Variants in RHOBTB2 observed in about 807,000 individuals in gnomAD.
The protein encoded by RHOBTB2 is Rho related BTB domain containing 2, also known as rho-related BTB domain-containing protein 2.
RHOBTB2 carries 39 observed loss-of-function variants against 66.5 expected under a neutral mutation model. That is an observed-to-expected ratio of 0.59 (90% CI 0.45 to 0.77). The LOEUF (loss-of-function observed/expected upper bound fraction) is 0.77. RHOBTB2 is among the 30% of genes least tolerant of loss of function. The probability of loss-of-function intolerance (pLI) is 0.00; values close to 1 mark genes in which losing one functional copy is unlikely to be tolerated. For synonymous variants in RHOBTB2, 390 were observed against 395.0 expected, an observed-to-expected ratio of 0.99 and a Z score of 0.15; for missense variants, 755 against 999.1, an observed-to-expected ratio of 0.76 and a Z score of 3.29.
upstream of RHOBTB2, chr8:22,999,433 TG>T: frequency 2.2e-6 from 1 of 459,918 alleles, no homozygotes; most frequent in Non-Finnish European, 2.9e-6. Context: ...GCGCGGGCGG[TG>T]GGCGGGAGCG....
chr8:23,018,350 AC>A lies in RHOBTB2; in HGVS notation c.*882del, dbSNP rs1428908198. The A allele has an allele frequency of 1.3e-5, 2 of 152,766 alleles. No homozygotes were observed. Among genetic ancestry groups the A allele is most frequent in the African/African-American group, 2.4e-5 (1 of 41,468 alleles). 9.5% of individuals were successfully genotyped at this position (152,766 alleles called of 1,614,324 possible). A position where few individuals can be genotyped will look rare whatever the true frequency, so the allele number is the denominator to read the frequency against. On this transcript the variant is annotated 3_prime_UTR_variant, in exon 10 of 10. Transcript: ENST00000251822. The stretch of plus-strand genomic sequence containing the variant: ...TAGGGTGGGGCAAAATTAGCAAAAA[AC>A]AAAAACCAATGACAACCAAACTGAA...
At chr8:23,013,583 C>T (rs1300744228) in intron 7 of RHOBTB2, among the ~76,000 whole-genome samples, 1 of 151,804 alleles carries the variant, frequency 6.6e-6, no homozygotes, top group Non-Finnish European at 1.5e-5. Flanking sequence ...GAAACTTTCA[C>T]CTCCCAGGTT....
At position 23,002,758 on chromosome 8, in the gene RHOBTB2, G is replaced by A. The variant is rs923028844; in HGVS notation, c.-10-1667G>A. On this transcript the variant is annotated intron_variant, in intron 1 of 9. Coordinates refer to ENST00000251822, the MANE Select transcript of RHOBTB2 (RefSeq NM_015178.3). ...GTTAGGAGAGAGAAGGGGTGGTACA[G>A]TTGCCCTGGAGACCATGAGGGCACT... Among the ~76,000 whole-genome samples the A allele has an allele frequency of 3.3e-4, 51 of 152,302 alleles. 1 individual carries two copies. Among genetic ancestry groups the A allele is most frequent in the African/African-American group, 1.1e-3 (46 of 41,564 alleles).
chr8:22,950,952 T>G, the RHOBTB2 span, among the ~76,000 whole-genome samples: 5 of 152,188 alleles, frequency 3.3e-5, no homozygotes, highest in Non-Finnish European at 7.4e-5. Context: ...GCTGCAAGTT[T>G]CTAGCTTACT....
At chr8:22,985,886 C>G (rs1810278266), upstream of RHOBTB2, among the ~76,000 whole-genome samples, 1 of 152,196 alleles carries the variant, frequency 6.6e-6, no homozygotes, top group African/African-American at 2.4e-5. Context: ...CTGGCCTACC[C>G]ACCAGTGCAC....
At position 23,006,137 on chromosome 8, in the gene RHOBTB2, C is replaced by G. The variant is rs1810943306; in HGVS notation, c.474C>G (p.Pro158=). ...AGGCTGTCAACAGGGCTAGGCGACCCTTGGCTAGGTAGGAGGTGCTGGTAC... is the reference window on the plus strand; with the variant it reads ...AGGCTGTCAACAGGGCTAGGCGACCGTTGGCTAGGTAGGAGGTGCTGGTAC... ...DLEAVNRARR[P]LARPIKPNEI... is the part of the protein sequence containing the mutation. The change falls in exon 4 of 10, where the codon CCC becomes CCG. Residue 158 remains proline, a synonymous_variant. Coordinates refer to ENST00000251822, the MANE Select transcript of RHOBTB2 (RefSeq NM_015178.3). This position sits in a 1 kb window ranked among gnomAD's most constrained non-coding sequence, Gnocchi z 6.1. The G allele has an allele frequency of 1.2e-6, 2 of 1,612,154 alleles. No homozygotes were observed. The highest frequency in any genetic ancestry group is 2.2e-5 in the South Asian group (2 of 91,042).
the RHOBTB2 span, among the ~76,000 whole-genome samples, chr8:22,972,326 C>T: frequency 6.6e-6 from 1 of 152,314 alleles, no homozygotes; most frequent in South Asian, 2.1e-4. Flanking sequence ...TATACCAATG[C>T]AGTCATCACA....
Position 23,019,661 on chromosome 8 carries a change from G to C in RHOBTB2, c.*2192G>C, listed in dbSNP as rs1318518132. ...AAGCGCTGAGCAACCTGGGTACCCT[G>C]GTGGGGATGCAGGGAAGGCCGGGGC... On this transcript the variant is annotated 3_prime_UTR_variant, in exon 10 of 10. Coordinates refer to ENST00000251822, the MANE Select transcript of RHOBTB2 (RefSeq NM_015178.3). 6.5e-6 allele frequency: 1 copy of C among 153,340 alleles called. No homozygotes were observed. Among genetic ancestry groups the C allele is most frequent in the Non-Finnish European group, 1.5e-5 (1 of 68,912 alleles). The allele number at this position is 153,340 out of a possible 1,614,324, so 9.5% of individuals were successfully genotyped here.
At position 22,999,621 on chromosome 8, in the gene RHOBTB2, T is replaced by A; in HGVS notation, c.-495T>A. On this transcript the variant is annotated 5_prime_UTR_variant, in exon 1 of 10. Coordinates refer to ENST00000251822, the MANE Select transcript of RHOBTB2 (RefSeq NM_015178.3). ...TTTTTACCCTCCCGTTTTTTTCTTTTCTTTTTTTTTTCCCTATCCTTTTTT... is the reference window on the plus strand; with the variant it reads ...TTTTTACCCTCCCGTTTTTTTCTTTACTTTTTTTTTTCCCTATCCTTTTTT... The A allele has an allele frequency of 8.1e-7, 1 of 1,239,816 alleles. No homozygotes were observed. The highest frequency in any genetic ancestry group is 1.3e-5 in the South Asian group (1 of 75,218). 76.8% of individuals were successfully genotyped at this position (1,239,816 alleles called of 1,614,324 possible).
At chr8:22,997,396 C>G (rs1810602516), upstream of RHOBTB2, among the ~76,000 whole-genome samples, 1 of 152,190 alleles carries the variant, frequency 6.6e-6, no homozygotes, top group South Asian at 2.1e-4. Flanking sequence ...TTGAGGGAAC[C>G]TCCCCAGCAA....
upstream of RHOBTB2, among the ~76,000 whole-genome samples, chr8:22,996,296 G>A (rs985468972): frequency 6.6e-6 from 1 of 152,114 alleles, no homozygotes; most frequent in African/African-American, 2.4e-5. Context: ...GCAGGAGATT[G>A]TAGAATGGAA....
At chr8:22,954,608 GA>G in the RHOBTB2 span, among the ~76,000 whole-genome samples, 1 of 152,096 alleles carries the variant, frequency 6.6e-6, no homozygotes, top group Non-Finnish European at 1.5e-5. Flanking sequence ...GATTCACTGT[GA>G]AAAAATAAAA....
intron 7 of RHOBTB2, 97 bp from the exon 8 acceptor site, chr8:23,014,593 G>T: frequency 8.6e-7 from 1 of 1,163,814 alleles, no homozygotes; most frequent in Non-Finnish European, 1.3e-6. Flanking sequence ...CCGGGCCCTG[G>T]TTTTCCTCAC....
At chr8:22,994,559 A>G, upstream of RHOBTB2, 9 of 1,548,242 alleles carry the variant, frequency 5.8e-6, no homozygotes, top group Middle Eastern at 1.7e-4. Flanking sequence ...CCTCACAACC[A>G]GGAGCCTGGA....
chr8:22,970,585 A>T, the RHOBTB2 span, among the ~76,000 whole-genome samples: 1 of 150,730 alleles, frequency 6.6e-6, no homozygotes, highest in South Asian at 2.1e-4. Context: ...CCTGGGTCAC[A>T]GGGCAAGACT....
upstream of RHOBTB2, among the ~76,000 whole-genome samples, chr8:22,998,315 C>T (rs1004976345): frequency 3.3e-5 from 5 of 152,122 alleles, no homozygotes; most frequent in Admixed American, 1.3e-4. Flanking sequence ...TTTCAGAGCA[C>T]AAGATGGAGG....
chr8:23,004,507 G>A lies in RHOBTB2; in HGVS notation c.73G>A (p.Val25Met), dbSNP rs774518871. 12 of 1,614,204 alleles carry A rather than the reference G, an allele frequency of 7.4e-6. No individual in the cohort carries two copies. The highest frequency in any genetic ancestry group is 1.7e-5 in the Admixed American group (1 of 60,032). The stretch of plus-strand genomic sequence containing the variant: ...GTGCGTTGTGGTGGGGGACAACGCC[G>A]TGGGTAAGACCAGGCTCATCTGTGC... The part of the protein sequence containing the change: ...IKCVVVGDNA[V>M]GKTRLICARA... Residue 25 changes from valine to methionine, a missense_variant, in exon 2 of 10, where the codon GTG (valine) becomes ATG (methionine). Val to Met is a conservative substitution (Grantham distance 21). Transcript: ENST00000251822. This position sits in a 1 kb window ranked among gnomAD's most constrained non-coding sequence, Gnocchi z 6.4.
upstream of RHOBTB2, chr8:22,995,873 T>A: frequency 6.4e-7 from 1 of 1,551,572 alleles, no homozygotes; most frequent in South Asian, 1.2e-5. Flanking sequence ...AGGGGTGCCA[T>A]GAAAGCGCGG....
chr8:22,972,371 T>A, the RHOBTB2 span, among the ~76,000 whole-genome samples: 1 of 152,188 alleles, frequency 6.6e-6, no homozygotes, highest in South Asian at 2.1e-4. Context: ...GAGGAAATGG[T>A]CCACAAAGTC....
Sources: gnomAD v4.1 joint callset for allele counts (sites outside exome capture counted in the v4.1 genomes callset) on GRCh38, gnomAD v4.1.1 for gene constraint, Gnocchi (gnomAD v3.1) non-coding constraint, MANE v1.5 for transcripts, NCBI Gene and HGNC (gene_info 2026-07-23, HGNC 2026-07-21) for gene names.